Variants in RNF125 observed in about 807,000 individuals in gnomAD.
RNF125 encodes the protein E3 ubiquitin-protein ligase RNF125.
In RNF125, 21 loss-of-function variants were observed where a neutral mutation model predicts 26.0. The observed-to-expected ratio is 0.81, with a 90% CI of 0.57 to 1.16. RNF125 has a LOEUF of 1.16. Among genes scored for constraint, RNF125 ranks in the 50% most tolerant of loss-of-function variants. The probability of loss-of-function intolerance (pLI) is 0.00; values close to 1 mark genes in which losing one functional copy is unlikely to be tolerated. For synonymous variants in RNF125, 95 were observed against 109.2 expected, an observed-to-expected ratio of 0.87 and a Z score of 0.81; for missense variants, 270 against 299.4, an observed-to-expected ratio of 0.90 and a Z score of 0.72.
intron 4 of RNF125, among the ~76,000 whole-genome samples, chr18:32,063,059 A>G (rs2039449177): frequency 6.6e-6 from 1 of 152,006 alleles, no homozygotes; most frequent in Non-Finnish European, 1.5e-5. Context: ...GTCTTTACTA[A>G]AAATACAAAA....
intron 1 of RNF125, among the ~76,000 whole-genome samples, chr18:32,034,350 C>A (rs1021681298): frequency 6.6e-6 from 1 of 151,946 alleles, no homozygotes; most frequent in African/African-American, 2.4e-5. Flanking sequence ...AGCAGGGCGG[C>A]AGCTGCAGCG....
intron 1 of RNF125, among the ~76,000 whole-genome samples, chr18:32,022,032 C>T (rs1254841112): frequency 6.6e-6 from 1 of 152,180 alleles, no homozygotes; most frequent in Non-Finnish European, 1.5e-5. Flanking sequence ...TAACCAGAGT[C>T]CTTTCTGCAG....
intron 3 of RNF125, among the ~76,000 whole-genome samples, chr18:32,043,993 T>C (rs968775149): frequency 3.5e-5 from 5 of 142,212 alleles, no homozygotes; most frequent in African/African-American, 8.3e-5. Context: ...ATATAATGGG[T>C]TTTTTTTTTT....
chr18:32,076,172 A>G (rs2039569154), downstream of RNF125: 5 of 538,044 alleles, frequency 9.3e-6, no homozygotes, highest in Non-Finnish European at 1.7e-5. Flanking sequence ...AAACCGGATG[A>G]TGACTTTGGA....
At chr18:32,042,887 A>T (rs890191056) in intron 3 of RNF125, among the ~76,000 whole-genome samples, 17 of 151,494 alleles carry the variant, frequency 1.1e-4, no homozygotes, top group Admixed American at 8.6e-4. Context: ...GGTGGCTCAC[A>T]CCTGCAATCC....
downstream of RNF125, chr18:32,076,022 G>T (rs976388540): frequency 4.7e-6 from 4 of 857,530 alleles, no homozygotes; most frequent in African/African-American, 6.6e-5. Flanking sequence ...CATTTTTCTA[G>T]ATCTTTGAGT....
chr18:32,079,053 G>T, the RNF125 span, among the ~76,000 whole-genome samples: 1 of 152,174 alleles, frequency 6.6e-6, no homozygotes, highest in African/African-American at 2.4e-5. Flanking sequence ...GAGATGGGGA[G>T]TTCCTTGAGG....
At chr18:32,024,434 G>A (rs1307017010) in intron 1 of RNF125, among the ~76,000 whole-genome samples, 3 of 151,718 alleles carry the variant, frequency 2.0e-5, no homozygotes, top group African/African-American at 7.3e-5. Flanking sequence ...AGAATTGTTT[G>A]TCTTATTTCT....
intron 1 of RNF125, among the ~76,000 whole-genome samples, chr18:32,022,944 T>G (rs2038998826): frequency 6.6e-6 from 1 of 152,200 alleles, no homozygotes; most frequent in South Asian, 2.1e-4. Flanking sequence ...ATTTAAAGCT[T>G]AATTTTTAAA....
the RNF125 span, among the ~76,000 whole-genome samples, chr18:32,080,638 A>ATTTTAGAGAT: frequency 6.6e-6 from 1 of 152,162 alleles, no homozygotes. Context: ...GCAAGATAAA[A>ATTTTAGAGAT]CGTTTTAGAG....
intron 2 of RNF125, among the ~76,000 whole-genome samples, chr18:32,038,418 C>T (rs994364532): frequency 3.3e-5 from 5 of 152,184 alleles, no homozygotes; most frequent in African/African-American, 1.2e-4. Context: ...CGTAATTTGT[C>T]AAACAAATGC....
intron 1 of RNF125, among the ~76,000 whole-genome samples, chr18:32,019,589 C>T (rs2038965841): frequency 6.6e-6 from 1 of 152,144 alleles, no homozygotes; most frequent in Admixed American, 6.5e-5. Flanking sequence ...GTCTTTCCAC[C>T]CCCACCCCTG....
intron 1 of RNF125, among the ~76,000 whole-genome samples, chr18:32,024,277 A>C (rs1303508147): frequency 3.2e-4 from 24 of 74,814 alleles, no homozygotes; most frequent in Admixed American, 3.1e-3. Flanking sequence ...ATCTTGGCTC[A>C]TTGCAACCTC....
chr18:32,061,110 C>T (rs747633616), intron 4 of RNF125, among the ~76,000 whole-genome samples: 7 of 152,086 alleles, frequency 4.6e-5, no homozygotes, highest in Non-Finnish European at 1.0e-4. Context: ...CTGCAAGCTC[C>T]GCCTCCTGGG....
At chr18:32,039,893 C>T (rs1271654725) in intron 2 of RNF125, among the ~76,000 whole-genome samples, 2 of 150,628 alleles carry the variant, frequency 1.3e-5, no homozygotes, top group African/African-American at 4.9e-5. Flanking sequence ...GATTCTCGTG[C>T]CTCAGCCTCC....
intron 4 of RNF125, among the ~76,000 whole-genome samples, chr18:32,047,350 A>G (rs1172329410): frequency 1.3e-5 from 2 of 152,070 alleles, no homozygotes; most frequent in Non-Finnish European, 2.9e-5. Context: ...ATTGTTAACC[A>G]GTTTTTAGAA....
At chr18:32,085,700 C>CAAAAAAA in the RNF125 span, among the ~76,000 whole-genome samples, 18 of 62,726 alleles carry the variant, frequency 2.9e-4, no homozygotes, top group Middle Eastern at 0.01. Flanking sequence ...AACGACTTAT[C>CAAAAAAA]AAAAAAAAAA....
the RNF125 span, among the ~76,000 whole-genome samples, chr18:32,081,742 A>T: frequency 6.6e-6 from 1 of 152,206 alleles, no homozygotes; most frequent in Non-Finnish European, 1.5e-5. Context: ...TTAATATTAA[A>T]CTTTCTCTGT....
At position 32,031,124 on chromosome 18, in the gene RNF125, G is replaced by A. The variant is rs1447398813; in HGVS notation, c.165-5992G>A. The A allele has an allele frequency of 2.6e-5, 4 of 151,876 alleles. No individual in the cohort carries two copies. In the East Asian group the frequency reaches 5.8e-4, roughly 22 times the overall value. 9.4% of individuals were successfully genotyped at this position (151,876 alleles called of 1,614,324 possible). On this transcript the variant is annotated intron_variant, in intron 1 of 5. Transcript: ENST00000217740. Reference sequence around the variant, plus strand: ...CCAAGTTTTCATGCTTGAACTTTGGGGGGACACATTCATTATATCAGGCCT... The same window carrying A: ...CCAAGTTTTCATGCTTGAACTTTGGAGGGACACATTCATTATATCAGGCCT...
Sources: gnomAD v4.1 joint callset for allele counts (sites outside exome capture counted in the v4.1 genomes callset) on GRCh38, gnomAD v4.1.1 for gene constraint, MANE v1.5 for transcripts, NCBI Gene and HGNC (gene_info 2026-07-23, HGNC 2026-07-21) for gene names.